Variants in ELOVL1 observed in about 807,000 individuals in gnomAD.
ELOVL1 encodes the protein very long chain fatty acid elongase 1.
Under a neutral mutation model 37.8 loss-of-function variants are expected in ELOVL1, and 10 were observed. The ratio of observed to expected loss-of-function variants is 0.26; its 90% CI spans 0.16 to 0.45. The LOEUF (loss-of-function observed/expected upper bound fraction) is 0.45. Ranked by LOEUF, ELOVL1 falls within the 20% of genes least tolerant of loss-of-function variation. The probability of loss-of-function intolerance (pLI) is 1.00; values close to 1 mark genes in which losing one functional copy is unlikely to be tolerated. For synonymous variants in ELOVL1, 133 were observed against 123.8 expected, an observed-to-expected ratio of 1.07 and a Z score of -0.49; for missense variants, 256 against 352.7, an observed-to-expected ratio of 0.73 and a Z score of 2.20.
In ELOVL1 at chr1:43,365,698, C is replaced by A; in HGVS notation, c.-14-75G>T. 4 of 1,422,080 alleles carry A rather than the reference C, an allele frequency of 2.8e-6. 1 individual carries two copies. The South Asian group carries it at 4.6e-5, about 16-fold the overall frequency. 88.1% of individuals were successfully genotyped at this position (1,422,080 alleles called of 1,614,324 possible). A position where few individuals can be genotyped will look rare whatever the true frequency, so the allele number is the denominator to read the frequency against. On this transcript the variant is annotated intron_variant, in intron 1 of 7. Transcript: ENST00000372458. ...CATCCCACAGAGATAAGACACAGAA[C>A]CAGACAAGACACCTGCAATGCCTCA...
In ELOVL1 at chr1:43,365,210, T is replaced by G. The variant is rs199630809; in HGVS notation, c.213A>C (p.Ala71=). Residue 71 remains alanine (A), a synonymous_variant, in exon 3 of 8, where the codon GCA becomes GCC. Transcript: ENST00000372458. ...CCTCATAGACAATGTAGAGGGAGAG[T>G]GCCACCAGTGAGAAGTTGTAGACAA... The part of the protein sequence containing the change: ...FMIVYNFSLV[A]LSLYIVYEFL... The G allele has an allele frequency of 1.2e-5, 20 of 1,613,388 alleles. No homozygotes were observed. Among genetic ancestry groups the G allele is most frequent in the Non-Finnish European group, 1.4e-5 (17 of 1,179,888 alleles).
In ELOVL1 at chr1:43,364,022, A is replaced by G; in HGVS notation, c.734T>C (p.Met245Thr). 1 of 1,614,206 alleles carries G rather than the reference A, an allele frequency of 6.2e-7. No homozygotes were observed. Among genetic ancestry groups the G allele is most frequent in the Non-Finnish European group, 8.5e-7 (1 of 1,180,046 alleles). The change falls in exon 8 of 8, where the codon ATG becomes ACG. Residue 245 changes from methionine (M) to threonine (T), a missense_variant. Physicochemically the swap from Met to Thr is moderately conservative, Grantham distance 81. This residue lies in a region of ELOVL1 where 59 missense variants were observed against 73.3 expected (regional missense o/e 0.80). Transcript: ENST00000372458. The surrounding 1 kb of genome is among the most constrained non-coding windows in gnomAD (Gnocchi z 5.2). ...GTGATACCAGAAGTTGGAGAACAGC[A>G]TGAAGAAGATGGTGCCATACATCCA... The part of the protein sequence containing the change: ...LIWMYGTIFF[M>T]LFSNFWYHSY...
rs779836848 is a variant in ELOVL1 at position 43,364,283 on chromosome 1, G to A, written c.618+41C>T. The A allele has an allele frequency of 3.1e-6, 5 of 1,613,738 alleles. No homozygotes were observed. The highest frequency in any genetic ancestry group is 4.2e-6 in the Non-Finnish European group (5 of 1,179,890). On this transcript the variant is annotated intron_variant, in intron 7 of 7. Coordinates refer to ENST00000372458, the MANE Select transcript of ELOVL1 (RefSeq NM_022821.4). The surrounding 1 kb of genome is among the most constrained non-coding windows in gnomAD (Gnocchi z 5.2). ...TAAAGGCAGGATCCAGGCTAGGAATGTGGGGGGATGGTTATAGGTAAGTCA... is the reference window on the plus strand; with the variant it reads ...TAAAGGCAGGATCCAGGCTAGGAATATGGGGGGATGGTTATAGGTAAGTCA...
rs747730631 is a variant in ELOVL1 at position 43,365,172 on chromosome 1, TC to T, written c.237+13del. On this transcript the variant is annotated intron_variant, in intron 3 of 7. Coordinates refer to ENST00000372458, the MANE Select transcript of ELOVL1 (RefSeq NM_022821.4). Reference sequence around the variant, plus strand: ...TGCTGACAGAAATTAAAGCCCGGCATCCCAGGGGCCCACCTCATAGACAATG... The same window carrying T: ...TGCTGACAGAAATTAAAGCCCGGCATCCAGGGGCCCACCTCATAGACAATG... 6.2e-7 allele frequency: 1 copy of T among 1,612,196 alleles called. No homozygotes were observed.
Position 43,364,086 on chromosome 1 carries a change from T to C in ELOVL1, c.670A>G (p.Ser224Gly). 6.2e-7 allele frequency: 1 copy of C among 1,614,134 alleles called. No individual in the cohort carries two copies. Residue 224 changes from serine to glycine, a missense_variant, in exon 8 of 8, where the codon AGC becomes GGC. Around this residue, in one of 3 missense-constraint regions of ELOVL1, gnomAD observed 59 missense variants for 73.3 expected, o/e 0.80. Coordinates refer to ENST00000372458, the MANE Select transcript of ELOVL1 (RefSeq NM_022821.4). The surrounding 1 kb of genome is among the most constrained non-coding windows in gnomAD (Gnocchi z 5.2). ...LHISQYYFMS[S>G]CNYQYPVIIH... ...ATGACTGGGTACTGGTAGTTACAGC[T>C]GGACATAAAGTAGTACTGGGAGATG...
At chr1:43,367,091 C>G (rs1235459550) in intron 1 of ELOVL1, 1 of 152,612 alleles carries the variant, frequency 6.6e-6, no homozygotes, top group Non-Finnish European at 1.5e-5. Context: ...CGTGGTCAGG[C>G]CCCAAGCCTG....
At position 43,363,714 on chromosome 1, in the gene ELOVL1, C is replaced by G. The variant is rs552650897; in HGVS notation, c.*202G>C. On this transcript the variant is annotated 3_prime_UTR_variant, in exon 8 of 8. Transcript: ENST00000372458. Reference sequence around the variant, plus strand: ...GGCAGACAGCAATGAGGCCACATCCCTGGAGCTGCCCGGGGGAAGTGGGTG... The same window carrying G: ...GGCAGACAGCAATGAGGCCACATCCGTGGAGCTGCCCGGGGGAAGTGGGTG... 109 of 592,612 alleles carry G rather than the reference C, an allele frequency of 1.8e-4. No individual in the cohort carries two copies. The highest frequency in any genetic ancestry group is 1.7e-3 in the African/African-American group (93 of 53,828). 36.7% of individuals were successfully genotyped at this position (592,612 alleles called of 1,614,324 possible).
chr1:43,364,217 T>C lies in ELOVL1; in HGVS notation c.619-80A>G. The C allele has an allele frequency of 1.9e-6, 3 of 1,608,562 alleles. No individual in the cohort carries two copies. Among genetic ancestry groups the C allele is most frequent in the Admixed American group, 1.7e-5 (1 of 59,784 alleles). On this transcript the variant is annotated intron_variant, in intron 7 of 7. Coordinates refer to ENST00000372458, the MANE Select transcript of ELOVL1 (RefSeq NM_022821.4). This position sits in a 1 kb window ranked among gnomAD's most constrained non-coding sequence, Gnocchi z 5.2. ...GAGGGGGTAGAGAAAGAGACAAACG[T>C]TGAGTAGGGAGAGATGGGGTCAAAG...
chr1:43,364,065 CTG>C lies in ELOVL1; in HGVS notation c.689_690del (p.Pro230ArgfsTer55). The C allele has an allele frequency of 6.2e-7, 1 of 1,614,136 alleles. No homozygotes were observed. Among genetic ancestry groups the C allele is most frequent in the East Asian group, 2.2e-5 (1 of 44,884 alleles). ...TACATCCAGATGAGGTGAATAATGACTGGGTACTGGTAGTTACAGCTGGACAT... is the reference window on the plus strand; with the variant it reads ...TACATCCAGATGAGGTGAATAATGACGGTACTGGTAGTTACAGCTGGACAT... ...YFMSSCNYQYPVIIHLIWMYG... is the reference protein window; with the variant it reads ...YFMSSCNYQYXVIIHLIWMYG... On this transcript the variant is annotated frameshift_variant, in exon 8 of 8. Transcript: ENST00000372458. LOFTEE classifies it high-confidence loss of function. The surrounding 1 kb of genome is among the most constrained non-coding windows in gnomAD (Gnocchi z 5.2).
Position 43,364,087 on chromosome 1 carries a change from G to A in ELOVL1, c.669C>T (p.Ser223=). 1.2e-6 allele frequency: 2 copies of A among 1,614,166 alleles called. No individual in the cohort carries two copies. The highest frequency in any genetic ancestry group is 1.7e-6 in the Non-Finnish European group (2 of 1,180,038). ...TGACTGGGTACTGGTAGTTACAGCT[G>A]GACATAAAGTAGTACTGGGAGATGT... is the stretch of plus-strand genomic sequence containing the variant. ...SLHISQYYFM[S]SCNYQYPVII... Residue 223 remains serine (S), a synonymous_variant, in exon 8 of 8, where the codon TCC becomes TCT. Transcript: ENST00000372458. The surrounding 1 kb of genome is among the most constrained non-coding windows in gnomAD (Gnocchi z 5.2).
In ELOVL1 at chr1:43,364,483, G is replaced by T; in HGVS notation, c.482-23C>A. ...CTCCTGTGAGTGGACAATAAGACAGGGTCAGCAGAGTCCAGCCTCTGGTGC... is the reference window on the plus strand; with the variant it reads ...CTCCTGTGAGTGGACAATAAGACAGTGTCAGCAGAGTCCAGCCTCTGGTGC... On this transcript the variant is annotated intron_variant, in intron 6 of 7. Coordinates refer to ENST00000372458, the MANE Select transcript of ELOVL1 (RefSeq NM_022821.4). The surrounding 1 kb of genome is among the most constrained non-coding windows in gnomAD (Gnocchi z 5.2). 8 of 1,614,100 alleles carry T rather than the reference G, an allele frequency of 5.0e-6. No homozygotes were observed. The highest frequency in any genetic ancestry group is 1.3e-5 in the African/African-American group (1 of 75,026).
In ELOVL1 at chr1:43,364,782, C is replaced by A. The variant is rs1351965077; in HGVS notation, c.331G>T (p.Ala111Ser). 6.2e-7 allele frequency: 1 copy of A among 1,614,070 alleles called. No homozygotes were observed. The highest frequency in any genetic ancestry group is 8.5e-7 in the Non-Finnish European group (1 of 1,180,042). The change falls in exon 5 of 8, where the codon GCC becomes TCC. Residue 111 changes from alanine to serine, a missense_variant. Around this residue, in one of 3 missense-constraint regions of ELOVL1, gnomAD observed 158 missense variants for 189.4 expected, o/e 0.83. Coordinates refer to ENST00000372458, the MANE Select transcript of ELOVL1 (RefSeq NM_022821.4). This position sits in a 1 kb window ranked among gnomAD's most constrained non-coding sequence, Gnocchi z 5.2. ...AACTTGGAGAAGAGGAAGAGCCAGG[C>A]CACCCGAACCATCTGCAAGAAGTTG... ...SPEALRMVRV[A>S]WLFLFSKFIE... is the part of the protein sequence containing the mutation.
Position 43,364,924 on chromosome 1 carries a change from T to C in ELOVL1, c.318+4A>G. On this transcript the variant is annotated splice_donor_region_variant and intron_variant, in intron 4 of 7. Coordinates refer to ENST00000372458, the MANE Select transcript of ELOVL1 (RefSeq NM_022821.4). This position sits in a 1 kb window ranked among gnomAD's most constrained non-coding sequence, Gnocchi z 5.2. Reference sequence around the variant, plus strand: ...CTTATGACCTAGCCCCAGCCCCTACTTACCCTAAGTGCCTCAGGGCTGTTG... The same window carrying C: ...CTTATGACCTAGCCCCAGCCCCTACCTACCCTAAGTGCCTCAGGGCTGTTG... 6.2e-7 allele frequency: 1 copy of C among 1,613,954 alleles called. No homozygotes were observed. The highest frequency in any genetic ancestry group is 8.5e-7 in the Non-Finnish European group (1 of 1,179,952).
At position 43,364,517 on chromosome 1, in the gene ELOVL1, T is replaced by C. The variant is rs535154875; in HGVS notation, c.481+25A>G. The C allele has an allele frequency of 6.2e-7, 1 of 1,613,982 alleles. No homozygotes were observed. Among genetic ancestry groups the C allele is most frequent in the East Asian group, 2.2e-5 (1 of 44,868 alleles). On this transcript the variant is annotated intron_variant, in intron 6 of 7. Coordinates refer to ENST00000372458, the MANE Select transcript of ELOVL1 (RefSeq NM_022821.4). The surrounding 1 kb of genome is among the most constrained non-coding windows in gnomAD (Gnocchi z 5.2). Reference sequence around the variant, plus strand: ...AGTCCAGCCTCTGGTGCCCACCCTTTCCCATAGTGGCCTTCACCACTCACC... The same window carrying C: ...AGTCCAGCCTCTGGTGCCCACCCTTCCCCATAGTGGCCTTCACCACTCACC...
At chr1:43,367,647 G>A (rs1035454922) in intron 1 of ELOVL1, 8 of 152,302 alleles carry the variant, frequency 5.3e-5, no homozygotes, top group African/African-American at 1.9e-4. Context: ...CGGGGGGAGG[G>A]AGGGGAGAGG....
At position 43,364,840 on chromosome 1, in the gene ELOVL1, G is replaced by A. The variant is rs1557476933; in HGVS notation, c.319-46C>T. 1.2e-6 allele frequency: 2 copies of A among 1,614,124 alleles called. No individual in the cohort carries two copies. The highest frequency in any genetic ancestry group is 1.7e-6 in the Non-Finnish European group (2 of 1,180,008). On this transcript the variant is annotated intron_variant, in intron 4 of 7. Coordinates refer to ENST00000372458, the MANE Select transcript of ELOVL1 (RefSeq NM_022821.4). The surrounding 1 kb of genome is among the most constrained non-coding windows in gnomAD (Gnocchi z 5.2). ...CTTAGGACCTCATACACTATTCTAA[G>A]AGCCTCCCTAAACTGGGCCTTGAGC...
In ELOVL1 at chr1:43,365,577, C is replaced by T. The variant is rs751922819; in HGVS notation, c.33G>A (p.Val11=). MEAVVNLYQE[V]MKHADPRIQG... The stretch of plus-strand genomic sequence containing the variant: ...ATAGCGTCTTACCTGCGTGCTTCAT[C>T]ACCTCTTGGTACAAGTTCACAACAG... Residue 11 remains valine, a synonymous_variant, in exon 2 of 8, where the codon GTG becomes GTA. Coordinates refer to ENST00000372458, the MANE Select transcript of ELOVL1 (RefSeq NM_022821.4). 6.8e-6 allele frequency: 11 copies of T among 1,614,114 alleles called. No individual in the cohort carries two copies. In the East Asian group the frequency reaches 2.2e-4, roughly 33 times the overall value.
chr1:43,365,420 G>A (rs1459295394), intron 2 of ELOVL1, 44 bp from the exon 3 acceptor site: 9 of 1,609,006 alleles, frequency 5.6e-6, no homozygotes, highest in East Asian at 4.5e-5. Flanking sequence ...CACAGGGTTC[G>A]AAGGGTCTTC....
In ELOVL1 at chr1:43,365,579, C is replaced by T; in HGVS notation, c.31G>A (p.Val11Met). MEAVVNLYQE[V>M]MKHADPRIQG... ...AGCGTCTTACCTGCGTGCTTCATCACCTCTTGGTACAAGTTCACAACAGCC... is the reference window on the plus strand; with the variant it reads ...AGCGTCTTACCTGCGTGCTTCATCATCTCTTGGTACAAGTTCACAACAGCC... Residue 11 changes from valine to methionine, a missense_variant, in exon 2 of 8, where the codon GTG (valine) becomes ATG (methionine). By Grantham distance (21) the Val-to-Met change is conservative. Coordinates refer to ENST00000372458, the MANE Select transcript of ELOVL1 (RefSeq NM_022821.4). 1 of 1,614,090 alleles carries T rather than the reference C, an allele frequency of 6.2e-7. No homozygotes were observed.
Sources: gnomAD v4.1 joint callset for allele counts on GRCh38, gnomAD v4.1.1 for gene constraint, gnomAD v4.1.1 regional missense constraint, Gnocchi (gnomAD v3.1) non-coding constraint, MANE v1.5 for transcripts, NCBI Gene and HGNC (gene_info 2026-07-23, HGNC 2026-07-21) for gene names.